PRKD1: variants seen among roughly 807,000 people sequenced by gnomAD.
PRKD1 encodes the protein protein kinase D1, also known as serine/threonine-protein kinase D1.
A neutral mutation model predicts 95.9 loss-of-function variants in PRKD1; 63 were observed. The ratio of observed to expected loss-of-function variants is 0.66; its 90% confidence interval spans 0.54 to 0.81. The LOEUF (loss-of-function observed/expected upper bound fraction) is 0.81. Ranked by LOEUF, PRKD1 falls within the 30% of genes least tolerant of loss-of-function variation. PRKD1 has a pLI of 0.00. For synonymous variants in PRKD1, 425 were observed against 423.1 expected (o/e 1.00, Z -0.05); for missense variants, 1,048 against 1,165.3 (o/e 0.90, Z 1.47).
intron 2 of PRKD1, among the ~76,000 whole-genome samples, chr14:29,686,419 A>T (rs1883874472): frequency 6.6e-6 from 1 of 152,194 alleles, no homozygotes; most frequent in South Asian, 2.1e-4. Flanking sequence ...GTCAACTGAC[A>T]ACTGTGCTTC....
At chr14:29,892,351 A>T (rs1893966566) in intron 1 of PRKD1, among the ~76,000 whole-genome samples, 1 of 151,938 alleles carries the variant, frequency 6.6e-6, no homozygotes, top group Non-Finnish European at 1.5e-5. Context: ...ATATTAGCCA[A>T]ATGGTTGAGG....
At chr14:29,665,175 C>A (rs1882417027) in intron 3 of PRKD1, among the ~76,000 whole-genome samples, 1 of 152,174 alleles carries the variant, frequency 6.6e-6, no homozygotes, top group African/African-American at 2.4e-5. Flanking sequence ...TACTGCTACA[C>A]TATTGTAGAG....
chr14:29,624,482 G>C (rs1431640000), intron 12 of PRKD1, among the ~76,000 whole-genome samples: 15 of 151,580 alleles, frequency 9.9e-5, no homozygotes, highest in African/African-American at 3.1e-4. Context: ...AAAGAATTGG[G>C]GCATTAAAAG....
chr14:29,606,200 A>G (rs1893699819), intron 13 of PRKD1, among the ~76,000 whole-genome samples: 1 of 152,096 alleles, frequency 6.6e-6, no homozygotes, highest in South Asian at 2.1e-4. Context: ...TTTCGTGGAA[A>G]CGGGGTTTCA....
chr14:29,715,507 A>G (rs922353762), intron 2 of PRKD1, among the ~76,000 whole-genome samples: 1 of 152,166 alleles, frequency 6.6e-6, no homozygotes, highest in African/African-American at 2.4e-5. Context: ...GTTGCACTGC[A>G]TATCTCTCAG....
chr14:29,797,465 C>G (rs143625839), intron 1 of PRKD1, among the ~76,000 whole-genome samples: 5 of 152,322 alleles, frequency 3.3e-5, no homozygotes, highest in South Asian at 4.1e-4. Flanking sequence ...CAGAATTGTA[C>G]TGTTACAGCA....
chr14:29,752,192 A>G (rs1887507270), intron 1 of PRKD1, among the ~76,000 whole-genome samples: 1 of 152,192 alleles, frequency 6.6e-6, no homozygotes, highest in African/African-American at 2.4e-5. Context: ...AATGTGTTTC[A>G]CATTTTATTA....
intron 1 of PRKD1, among the ~76,000 whole-genome samples, chr14:29,740,726 T>C (rs1886947183): frequency 6.6e-6 from 1 of 152,172 alleles, no homozygotes; most frequent in Non-Finnish European, 1.5e-5. Context: ...AATTCTACTA[T>C]TTGACCCAGC....
intron 13 of PRKD1, among the ~76,000 whole-genome samples, chr14:29,600,897 T>C (rs1893492108): frequency 6.6e-6 from 1 of 151,918 alleles, no homozygotes; most frequent in Non-Finnish European, 1.5e-5. Flanking sequence ...CTTTTTTCTC[T>C]GCACAACAAC....
intron 2 of PRKD1, among the ~76,000 whole-genome samples, chr14:29,716,645 G>A (rs995625474): frequency 1.3e-5 from 2 of 152,192 alleles, no homozygotes; most frequent in Admixed American, 6.5e-5. Flanking sequence ...ATAAATTGAC[G>A]AAGTCAAATG....
In PRKD1 at chr14:29,577,156, C is replaced by A; in HGVS notation, c.*82G>T. 1 of 1,382,816 alleles carries A rather than the reference C, an allele frequency of 7.2e-7. No individual in the cohort carries two copies. The highest frequency in any genetic ancestry group is 1.0e-6 in the Non-Finnish European group (1 of 985,416). 85.7% of individuals were successfully genotyped at this position (1,382,816 alleles called of 1,614,324 possible). A position where few individuals can be genotyped will look rare whatever the true frequency, so the allele number is the denominator to read the frequency against. ...GTTCTCATCTGACAGAAAATAATGG[C>A]AGTTCTGCAAGGCAAATGTTAAACC... On this transcript the variant is annotated 3_prime_UTR_variant, in exon 18 of 18. Transcript: ENST00000331968.
At chr14:29,726,551 C>T (rs1886154735) in intron 1 of PRKD1, among the ~76,000 whole-genome samples, 1 of 152,008 alleles carries the variant, frequency 6.6e-6, no homozygotes, top group Non-Finnish European at 1.5e-5. Context: ...TACAGGTGGA[C>T]CTTAAGAAGC....
At chr14:29,682,981 C>T (rs767136843) in intron 2 of PRKD1, among the ~76,000 whole-genome samples, 2 of 152,098 alleles carry the variant, frequency 1.3e-5, no homozygotes, top group Non-Finnish European at 2.9e-5. Context: ...GGAGCCAGGC[C>T]TTGTGTAGAG....
At chr14:29,738,783 T>TTC (rs928826745) in intron 1 of PRKD1, among the ~76,000 whole-genome samples, 5 of 151,560 alleles carry the variant, frequency 3.3e-5, no homozygotes, top group Non-Finnish European at 7.4e-5. Flanking sequence ...CCTTCCTTCT[T>TTC]TCTTTCTCTC....
intron 1 of PRKD1, among the ~76,000 whole-genome samples, chr14:29,739,800 T>C (rs1245234514): frequency 6.6e-6 from 1 of 152,166 alleles, no homozygotes; most frequent in Non-Finnish European, 1.5e-5. Flanking sequence ...CAGATGTGAC[T>C]CAGTGAGATA....
In PRKD1 at chr14:29,632,918, C is replaced by T. The variant is rs777570460; in HGVS notation, c.1343G>A (p.Ser448Asn). 2 of 1,613,766 alleles carry T rather than the reference C, an allele frequency of 1.2e-6. No individual in the cohort carries two copies. Among genetic ancestry groups the T allele is most frequent in the South Asian group, 2.2e-5 (2 of 91,080 alleles). The change falls in exon 9 of 18, where the codon AGC (serine) becomes AAC (asparagine). Residue 448 changes from serine (S) to asparagine (N), a missense_variant. This residue lies in a region of PRKD1 where 739 missense variants were observed against 861.9 expected (regional missense o/e 0.86). Transcript: ENST00000331968. ...ATTCTGAAAGAGGGTAATACATTTGCTATCCAATCTCCAATAGTGCCGTTT... is the reference window on the plus strand; with the variant it reads ...ATTCTGAAAGAGGGTAATACATTTGTTATCCAATCTCCAATAGTGCCGTTT... ...LRKRHYWRLD[S>N]KCITLFQNDT...
At chr14:29,599,566 C>T in intron 14 of PRKD1, 90 bp downstream of exon 14, 1 of 1,291,884 alleles carries the variant, frequency 7.7e-7, no homozygotes, top group Non-Finnish European at 1.1e-6. Context: ...GAGGTAGGGA[C>T]TAAACAACAA....
intron 1 of PRKD1, among the ~76,000 whole-genome samples, chr14:29,766,876 G>A (rs1041371513): frequency 1.1e-4 from 17 of 152,084 alleles, no homozygotes; most frequent in African/African-American, 4.1e-4. Flanking sequence ...AGGCACTCTG[G>A]TGTCACTCAC....
chr14:29,715,578 C>T (rs1885566587), intron 2 of PRKD1, among the ~76,000 whole-genome samples: 1 of 152,172 alleles, frequency 6.6e-6, no homozygotes, highest in South Asian at 2.1e-4. Context: ...AAAACCCAAA[C>T]ATTGTTATTC....
Sources: gnomAD v4.1 joint callset for allele counts (sites outside exome capture counted in the v4.1 genomes callset) on GRCh38, gnomAD v4.1.1 for gene constraint, gnomAD v4.1.1 regional missense constraint, MANE v1.5 for transcripts, NCBI Gene and HGNC (gene_info 2026-07-23, HGNC 2026-07-21) for gene names.